Variants in POLN observed in about 807,000 individuals in gnomAD.
POLN encodes DNA polymerase N.
Under a neutral mutation model 113.5 loss-of-function variants are expected in POLN, and 108 were observed. The observed-to-expected ratio is 0.95, with a 90% CI of 0.81 to 1.12. The LOEUF is 1.12. POLN is among the 50% of genes most tolerant of loss of function. The pLI, the probability that POLN is intolerant of heterozygous loss-of-function variation, is 0.00. For synonymous variants in POLN, 386 were observed against 391.5 expected, an observed-to-expected ratio of 0.99 and a Z score of 0.17; for missense variants, 1,097 against 1,077.1, an observed-to-expected ratio of 1.02 and a Z score of -0.26.
chr4:2,159,102 T>C (rs1732512250), intron 14 of POLN, 53 bp downstream of exon 14: 3 of 1,342,152 alleles, frequency 2.2e-6, no homozygotes, highest in Non-Finnish European at 2.1e-6. Context: ...CACAGGGCCA[T>C]ATGGTTCCCC....
intron 3 of POLN, 160 bp downstream of exon 3, chr4:2,228,939 G>A (rs1471036007): frequency 5.3e-6 from 3 of 567,586 alleles, no homozygotes; most frequent in East Asian, 6.1e-5. Context: ...AAGGGAACAC[G>A]AAAGTTAGCA....
rs1266354189 is a variant in POLN, at chr4:2,198,828, T to A, written c.715-111A>T. ...GAGAAAAGGCCTAAAATTAAACTTG[T>A]AAATGAATAGTTTTTTAATGACAAT... is the stretch of plus-strand genomic sequence containing the variant. On this transcript the variant is annotated intron_variant, in intron 5 of 25. Transcript: ENST00000511885. 3 of 1,041,680 alleles carry A rather than the reference T, an allele frequency of 2.9e-6. No homozygotes were observed. The East Asian group carries it at 8.0e-5, about 28-fold the overall frequency. The allele number at this position is 1,041,680 out of a possible 1,614,324, so 64.5% of individuals were successfully genotyped here.
At chr4:2,233,728 C>A (rs999693855) in intron 2 of POLN, among the ~76,000 whole-genome samples, 4 of 152,112 alleles carry the variant, frequency 2.6e-5, no homozygotes, top group African/African-American at 7.2e-5. Flanking sequence ...CTAAAAAGAT[C>A]TTTTCTAGTA....
chr4:2,228,917 G>A (rs1734477772), intron 3 of POLN, 182 bp downstream of exon 3: 2 of 478,990 alleles, frequency 4.2e-6, no homozygotes, highest in Non-Finnish European at 7.4e-6. Flanking sequence ...CATTTTTAAA[G>A]CAATGAAGGT....
In POLN at chr4:2,132,049, C is replaced by T. The variant is rs565650087; in HGVS notation, c.1732-759G>A. 7.3e-4 allele frequency among the ~76,000 whole-genome samples: 111 copies of T among 152,218 alleles called. 1 individual carries two copies. The highest frequency in any genetic ancestry group is 1.3e-3 in the Non-Finnish European group (88 of 68,046). ...CAAGCATCAAAGTCCTGCAATCTTA[C>T]AGCAATGCTCCTTAGTTCCCCCTAG... is the stretch of plus-strand genomic sequence containing the variant. On this transcript the variant is annotated intron_variant, in intron 16 of 25. Coordinates refer to ENST00000511885, the MANE Select transcript of POLN (RefSeq NM_181808.4).
chr4:2,162,721 T>C (rs1012733069), intron 13 of POLN, among the ~76,000 whole-genome samples: 1 of 152,098 alleles, frequency 6.6e-6, no homozygotes, highest in East Asian at 1.9e-4. Context: ...CCTCCCAAAG[T>C]GCTGGAATTA....
chr4:2,201,534 C>A (rs539558731), intron 5 of POLN, among the ~76,000 whole-genome samples: 3 of 151,778 alleles, frequency 2.0e-5, no homozygotes, highest in African/African-American at 7.3e-5. Flanking sequence ...ACAAAGCCTC[C>A]AAGAAGTCTC....
chr4:2,137,767 T>C (rs1412835232), intron 16 of POLN, among the ~76,000 whole-genome samples: 1 of 152,160 alleles, frequency 6.6e-6, no homozygotes, highest in Admixed American at 6.5e-5. Context: ...TCGTTTCTCA[T>C]TCCACATGCG....
At chr4:2,147,617 T>G (rs1363982324) in intron 16 of POLN, among the ~76,000 whole-genome samples, 1 of 146,758 alleles carries the variant, frequency 6.8e-6, no homozygotes. Context: ...AATTCAAGAG[T>G]AGATCAGACA....
chr4:2,123,791 T>A (rs1003501392), intron 19 of POLN, among the ~76,000 whole-genome samples: 7 of 151,148 alleles, frequency 4.6e-5, no homozygotes, highest in Admixed American at 2.0e-4. Flanking sequence ...GGGGACAGAG[T>A]GTAACCTTGT....
intron 8 of POLN, among the ~76,000 whole-genome samples, chr4:2,177,526 T>C (rs527750217): frequency 1.3e-5 from 2 of 152,342 alleles, no homozygotes; most frequent in African/African-American, 4.8e-5. Flanking sequence ...CAGAGACATA[T>C]CTGGCTGATG....
intron 24 of POLN, among the ~76,000 whole-genome samples, chr4:2,073,816 T>C (rs915176731): frequency 6.6e-6 from 1 of 152,232 alleles, no homozygotes. Context: ...AGCGAGGGTC[T>C]CCCTGGGGAC....
chr4:2,159,778 T>C (rs1057076674), intron 13 of POLN, among the ~76,000 whole-genome samples: 11 of 152,296 alleles, frequency 7.2e-5, no homozygotes, highest in African/African-American at 2.6e-4. Flanking sequence ...TTTCCTGTCG[T>C]TGGTCCAATA....
intron 19 of POLN, among the ~76,000 whole-genome samples, chr4:2,114,385 C>G (rs900279839): frequency 1.8e-4 from 28 of 152,298 alleles, no homozygotes; most frequent in African/African-American, 6.5e-4. Context: ...TCTCTTCAGC[C>G]TGAAGAACCT....
In POLN at chr4:2,207,182, G is replaced by T. The variant is rs575195197; in HGVS notation, c.714+805C>A. On this transcript the variant is annotated intron_variant, in intron 5 of 25. Transcript: ENST00000511885. ...GAAACATTGTATGTTCTTACTTATA[G>T]GTGGGAGCTAAGCTATGAGGATGCA... Among the ~76,000 whole-genome samples, 5 of 152,226 alleles carry T rather than the reference G, an allele frequency of 3.3e-5. No homozygotes were observed. The East Asian group carries it at 9.6e-4, about 29-fold the overall frequency.
At chr4:2,073,507 C>T (rs950784668) in intron 24 of POLN, among the ~76,000 whole-genome samples, 2 of 152,226 alleles carry the variant, frequency 1.3e-5, no homozygotes, top group African/African-American at 4.8e-5. Context: ...CACTACTGCC[C>T]GGTGAAGTTT....
rs1037991468 is a variant in POLN at position 2,075,596 on chromosome 4, G to A, written c.2388-77C>T. On this transcript the variant is annotated intron_variant, in intron 23 of 25. Coordinates refer to ENST00000511885, the MANE Select transcript of POLN (RefSeq NM_181808.4). Reference sequence around the variant, plus strand: ...GCCACCAGCCTGGCAGGGAGGGAGGGAGTCAACCTGGGAGGCCAGGACTGT... The same window carrying A: ...GCCACCAGCCTGGCAGGGAGGGAGGAAGTCAACCTGGGAGGCCAGGACTGT... 28 of 1,510,454 alleles carry A rather than the reference G, an allele frequency of 1.9e-5. No homozygotes were observed. In the African/African-American group the frequency reaches 3.6e-4, roughly 19 times the overall value. The allele number at this position is 1,510,454 out of a possible 1,614,324, so 93.6% of individuals were successfully genotyped here.
chr4:2,076,518 G>C (rs1173072525), intron 23 of POLN: 1 of 152,424 alleles, frequency 6.6e-6, no homozygotes, highest in Non-Finnish European at 1.5e-5. Context: ...AGGATGAGCT[G>C]CTGGGAAGGA....
At chr4:2,217,507 C>T (rs1056928544) in intron 3 of POLN, among the ~76,000 whole-genome samples, 3 of 152,216 alleles carry the variant, frequency 2.0e-5, no homozygotes, top group African/African-American at 7.2e-5. Context: ...CAGCTGCATG[C>T]CCACCTCTCA....
Sources: gnomAD v4.1 joint callset for allele counts (sites outside exome capture counted in the v4.1 genomes callset) on GRCh38, gnomAD v4.1.1 for gene constraint, MANE v1.5 for transcripts, NCBI Gene and HGNC (gene_info 2026-07-23, HGNC 2026-07-21) for gene names.